Variants in MINAR1 observed in about 807,000 individuals in gnomAD.
MINAR1 encodes membrane integral NOTCH2 associated receptor 1, also known as major intrinsically disordered Notch2-binding receptor 1.
In MINAR1, 40 loss-of-function variants were observed where a neutral mutation model predicts 65.1. That is an observed-to-expected ratio of 0.61 (90% confidence interval 0.48 to 0.80). MINAR1 has a LOEUF of 0.80. Ranked by LOEUF, MINAR1 falls within the 30% of genes least tolerant of loss-of-function variation. MINAR1 has a pLI of 0.00. For synonymous variants in MINAR1, 482 were observed against 449.1 expected (o/e 1.07, Z -0.93); for missense variants, 1,128 against 1,148.0 (o/e 0.98, Z 0.25).
At chr15:79,445,593 G>A (rs1894993839) in intron 1 of MINAR1, among the ~76,000 whole-genome samples, 1 of 141,934 alleles carries the variant, frequency 7.0e-6, no homozygotes, top group South Asian at 2.2e-4. Context: ...TTGTTGCCCA[G>A]GCTGGAGTGC....
In MINAR1 at chr15:79,440,451, G is replaced by A. The variant is rs141172384; in HGVS notation, c.-51+7911G>A. 9.4e-3 allele frequency among the ~76,000 whole-genome samples: 1,438 copies of A among 152,256 alleles called. 11 individuals carry two copies. The highest frequency in any genetic ancestry group is 0.013 in the Non-Finnish European group (866 of 68,012). The stretch of plus-strand genomic sequence containing the variant: ...TGGATTTGGCTTCTGCATGTCCCTG[G>A]GGCAGGATGAGGACCAGTGGGTGCA... On this transcript the variant is annotated intron_variant, in intron 1 of 3. Coordinates refer to ENST00000305428, the MANE Select transcript of MINAR1 (RefSeq NM_015206.3).
chr15:79,435,292 A>G (rs1894566032), intron 1 of MINAR1, among the ~76,000 whole-genome samples: 1 of 150,882 alleles, frequency 6.6e-6, no homozygotes, highest in South Asian at 2.1e-4. Context: ...AAAAAAAAAA[A>G]TACGCAAAAC....
At chr15:79,441,614 C>G (rs1269858082) in intron 1 of MINAR1, among the ~76,000 whole-genome samples, 1 of 151,986 alleles carries the variant, frequency 6.6e-6, no homozygotes, top group Non-Finnish European at 1.5e-5. Context: ...CAAGGGTATG[C>G]GTATTTTTCA....
chr15:79,426,155 A>G, the MINAR1 span: 2 of 152,670 alleles, frequency 1.3e-5, no homozygotes, highest in East Asian at 1.9e-4. Context: ...GAAAATATGC[A>G]TGCAGGAACT....
rs374996086 is a variant in MINAR1 at position 79,463,201 on chromosome 15, G to A, written c.2433G>A (p.Leu811=). ...SLKAHMKSNP[L]YTDMRLTELA... is the part of the protein sequence containing the mutation. ...AGGCCCACATGAAGAGCAACCCCCT[G>A]TACACAGACATGCGGCTGACCGAGT... is the stretch of plus-strand genomic sequence containing the variant. The change falls in exon 3 of 4, where the codon CTG becomes CTA. Residue 811 remains leucine, a synonymous_variant. Coordinates refer to ENST00000305428, the MANE Select transcript of MINAR1 (RefSeq NM_015206.3). The A allele has an allele frequency of 1.3e-4, 210 of 1,614,120 alleles. No individual in the cohort carries two copies. Among genetic ancestry groups the A allele is most frequent in the Non-Finnish European group, 1.6e-4 (184 of 1,180,058 alleles).
At chr15:79,445,856 T>C (rs893171857) in intron 1 of MINAR1, among the ~76,000 whole-genome samples, 1 of 152,216 alleles carries the variant, frequency 6.6e-6, no homozygotes, top group African/African-American at 2.4e-5. Context: ...CCTGTGATAG[T>C]ATTTTTAGGT....
At chr15:79,465,808 C>A (rs1307441245) in intron 3 of MINAR1, among the ~76,000 whole-genome samples, 1 of 151,874 alleles carries the variant, frequency 6.6e-6, no homozygotes, top group Non-Finnish European at 1.5e-5. Flanking sequence ...TTAGGGGTGC[C>A]TCAGCCACTT....
At chr15:79,458,474 G>A (rs868511427) in intron 2 of MINAR1, 29 bp downstream of exon 2, 1 of 1,595,816 alleles carries the variant, frequency 6.3e-7, no homozygotes, top group South Asian at 1.1e-5. Flanking sequence ...CACATAATCG[G>A]GCACCAGCTT....
rs771387011 is a variant in MINAR1 at position 79,466,222 on chromosome 15, G to A, written c.2554-1965G>A. On this transcript the variant is annotated intron_variant, in intron 3 of 3. Transcript: ENST00000305428. Reference sequence around the variant, plus strand: ...CAGCAGTCTCTAAACATTATGCCTCGGCGAGGGAAGGGACCAGGAAGATTT... The same window carrying A: ...CAGCAGTCTCTAAACATTATGCCTCAGCGAGGGAAGGGACCAGGAAGATTT... Among the ~76,000 whole-genome samples the A allele has an allele frequency of 5.9e-5, 9 of 152,254 alleles. No individual in the cohort carries two copies. The South Asian group carries it at 6.2e-4, about 11-fold the overall frequency.
chr15:79,427,224 C>G, the MINAR1 span: 2 of 152,168 alleles, frequency 1.3e-5, no homozygotes, highest in Non-Finnish European at 2.9e-5. Flanking sequence ...GATGAGAACT[C>G]ATGGACACGA....
the MINAR1 span, chr15:79,411,706 A>T: frequency 2.3e-5 from 12 of 531,136 alleles, no homozygotes; most frequent in East Asian, 3.8e-4. Context: ...GCAGGAGGAG[A>T]CTCCTTGACC....
intron 3 of MINAR1, 86 bp downstream of exon 3, chr15:79,463,407 G>A: frequency 1.3e-6 from 2 of 1,521,382 alleles, no homozygotes; most frequent in South Asian, 2.5e-5. Flanking sequence ...GCTTAGACCG[G>A]CCAGCCCACT....
chr15:79,455,227 G>C (rs1049430828), intron 1 of MINAR1, among the ~76,000 whole-genome samples: 1 of 152,052 alleles, frequency 6.6e-6, no homozygotes, highest in African/African-American at 2.4e-5. Flanking sequence ...TTTACAATCC[G>C]AACTTACCAC....
chr15:79,427,806 T>G (rs972358215), upstream of MINAR1, among the ~76,000 whole-genome samples: 5 of 152,156 alleles, frequency 3.3e-5, no homozygotes, highest in Admixed American at 2.6e-4. Flanking sequence ...TCTAAAAAAC[T>G]CTGGGTTCAG....
chr15:79,459,147 C>G (rs1595950075), intron 2 of MINAR1, among the ~76,000 whole-genome samples: 2 of 115,008 alleles, frequency 1.7e-5, no homozygotes, highest in Admixed American at 1.6e-4. Flanking sequence ...GCACTGCACT[C>G]CAGCCTGGGT....
chr15:79,416,606 C>T, the MINAR1 span: 5 of 152,146 alleles, frequency 3.3e-5, no homozygotes, highest in African/African-American at 1.2e-4. Flanking sequence ...AAGGCAAATA[C>T]AGGGCTGAGG....
Position 79,472,029 on chromosome 15 carries a change from G to A in MINAR1, c.*3645G>A, listed in dbSNP as rs1896104960. 1 of 152,484 alleles carries A rather than the reference G, an allele frequency of 6.6e-6. No homozygotes were observed. The highest frequency in any genetic ancestry group is 2.4e-5 in the African/African-American group (1 of 41,432). The allele number at this position is 152,484 out of a possible 1,614,324, so 9.4% of individuals were successfully genotyped here. On this transcript the variant is annotated 3_prime_UTR_variant, in exon 4 of 4. Transcript: ENST00000305428. ...TATGCCTTATGAATAAAAGAGTGTG[G>A]AATGTAAGGTGAAATTTTATGTGCA... is the stretch of plus-strand genomic sequence containing the variant.
At chr15:79,459,160 C>G (rs1020341499) in intron 2 of MINAR1, among the ~76,000 whole-genome samples, 1 of 151,090 alleles carries the variant, frequency 6.6e-6, no homozygotes, top group Non-Finnish European at 1.5e-5. Context: ...GCCTGGGTAA[C>G]AGAGCAAGAC....
rs757717896 is a variant in MINAR1 at position 79,457,751 on chromosome 15, G to A, written c.1604G>A (p.Gly535Glu). The A allele has an allele frequency of 6.2e-7, 1 of 1,614,222 alleles. No individual in the cohort carries two copies. The highest frequency in any genetic ancestry group is 1.1e-5 in the South Asian group (1 of 91,080). ...LDDMSISGSTGVIQSSCYNST... is the reference protein window; with the variant it reads ...LDDMSISGSTEVIQSSCYNST... ...GACATGAGCATCAGTGGCTCCACGG[G>A]AGTGATACAGTCGTCCTGCTACAAC... Residue 535 changes from glycine (G) to glutamate (E), a missense_variant, in exon 2 of 4, where the codon GGA (glycine) becomes GAA (glutamate). Gly to Glu is a moderately conservative substitution (Grantham distance 98). Coordinates refer to ENST00000305428, the MANE Select transcript of MINAR1 (RefSeq NM_015206.3).
Sources: gnomAD v4.1 joint callset for allele counts (sites outside exome capture counted in the v4.1 genomes callset) on GRCh38, gnomAD v4.1.1 for gene constraint, MANE v1.5 for transcripts, NCBI Gene and HGNC (gene_info 2026-07-23, HGNC 2026-07-21) for gene names.